TRDMT1: variants seen among roughly 807,000 people sequenced by gnomAD.
TRDMT1 encodes the protein tRNA aspartic acid methyltransferase 1.
A neutral mutation model predicts 51.2 loss-of-function variants in TRDMT1; 49 were observed. The ratio of observed to expected loss-of-function variants is 0.96; its 90% CI spans 0.76 to 1.21. TRDMT1 has a LOEUF of 1.21. Ranked by LOEUF, TRDMT1 falls within the 50% of genes most tolerant of loss-of-function variation. The pLI, the probability that TRDMT1 is intolerant of heterozygous loss-of-function variation, is 0.00. For synonymous variants in TRDMT1, 187 were observed against 164.6 expected (o/e 1.14, Z -1.04); for missense variants, 534 against 462.3 (o/e 1.16, Z -1.42).
At chr10:17,194,631 C>T (rs917636554) in intron 1 of TRDMT1, among the ~76,000 whole-genome samples, 3 of 151,952 alleles carry the variant, frequency 2.0e-5, no homozygotes, top group Admixed American at 6.6e-5. Flanking sequence ...ACAATGGCTA[C>T]GATTAAAAAG....
chr10:17,158,273 T>C, intron 7 of TRDMT1, among the ~76,000 whole-genome samples: 1 of 152,172 alleles, frequency 6.6e-6, no homozygotes, highest in Non-Finnish European at 1.5e-5. Flanking sequence ...TCATGAGTCC[T>C]ATGGGAAAAA....
At chr10:17,179,586 T>C (rs1843024929) in intron 1 of TRDMT1, among the ~76,000 whole-genome samples, 1 of 151,782 alleles carries the variant, frequency 6.6e-6, no homozygotes, top group Non-Finnish European at 1.5e-5. Flanking sequence ...AAAACAATCA[T>C]TATCATTATA....
At chr10:17,168,082 A>G (rs1841455338) in intron 3 of TRDMT1, among the ~76,000 whole-genome samples, 1 of 152,058 alleles carries the variant, frequency 6.6e-6, no homozygotes, top group Non-Finnish European at 1.5e-5. Flanking sequence ...GTGGGAGGAT[A>G]GCTTGAGCCC....
At position 17,139,343 on chromosome 10, in the gene TRDMT1, G is replaced by C. The variant is rs945082598; in HGVS notation, c.*9697C>G. ...CACTCAGACTTCAGCATGAATGACA[G>C]AAGAAATGTAGGTGGTAAATAACTG... On this transcript the variant is annotated 3_prime_UTR_variant, in exon 11 of 11. Transcript: ENST00000377799. 1.1e-5 allele frequency: 4 copies of C among 350,424 alleles called. No individual in the cohort carries two copies. The highest frequency in any genetic ancestry group is 8.9e-5 in the African/African-American group (4 of 45,084). The allele number at this position is 350,424 out of a possible 1,614,324, so 21.7% of individuals were successfully genotyped here.
At chr10:17,200,855 C>T (rs967374932) in intron 1 of TRDMT1, among the ~76,000 whole-genome samples, 2 of 152,060 alleles carry the variant, frequency 1.3e-5, no homozygotes, top group East Asian at 1.9e-4. Context: ...GGAGTGGTTA[C>T]AATGTATCAG....
chr10:17,197,049 G>A (rs554368496), intron 1 of TRDMT1, among the ~76,000 whole-genome samples: 44 of 152,190 alleles, frequency 2.9e-4, no homozygotes, highest in African/African-American at 1.0e-3. Context: ...CTATAGTGTG[G>A]GCAGTGCTCC....
rs1216515043 is a variant in TRDMT1, at chr10:17,140,440, C to G, written c.*8600G>C. Reference sequence around the variant, plus strand: ...CAATTCTATTACCATACTCAGCATACTCATATCTAAGTCAGTTAATTGGAC... The same window carrying G: ...CAATTCTATTACCATACTCAGCATAGTCATATCTAAGTCAGTTAATTGGAC... On this transcript the variant is annotated 3_prime_UTR_variant, in exon 11 of 11. Coordinates refer to ENST00000377799, the MANE Select transcript of TRDMT1 (RefSeq NM_004412.7). Among the ~76,000 whole-genome samples, 1 of 152,092 alleles carries G rather than the reference C, an allele frequency of 6.6e-6. No homozygotes were observed. The highest frequency in any genetic ancestry group is 2.4e-5 in the African/African-American group (1 of 41,418).
Position 17,154,724 on chromosome 10 carries a change from A to G in TRDMT1, c.898T>C (p.Tyr300His), listed in dbSNP as rs1839264278. The change falls in exon 9 of 11, where the codon TAC (tyrosine) becomes CAC (histidine). Residue 300 changes from tyrosine (Y) to histidine (H), a missense_variant. Coordinates refer to ENST00000377799, the MANE Select transcript of TRDMT1 (RefSeq NM_004412.7). ...AACACAGACCCTGTCCCTTCTATGT[A>G]GCTTCCATATCTGAAAAATCAACAC... The part of the protein sequence containing the change: ...SVCFTKGYGS[Y>H]IEGTGSVLQT... 2 of 1,603,662 alleles carry G rather than the reference A, an allele frequency of 1.2e-6. No homozygotes were observed. The highest frequency in any genetic ancestry group is 8.5e-7 in the Non-Finnish European group (1 of 1,175,426).
intron 10 of TRDMT1, chr10:17,151,160 T>A (rs1172719189): frequency 1.3e-6 from 1 of 745,242 alleles, no homozygotes; most frequent in East Asian, 1.3e-4. Context: ...GTAATTGAAG[T>A]TTTTGCCACT....
At chr10:17,161,669 AT>A in intron 4 of TRDMT1, 121 bp from the exon 5 acceptor site, 1 of 570,528 alleles carries the variant, frequency 1.8e-6, no homozygotes, top group Non-Finnish European at 2.7e-6. Context: ...TTAAAATGGA[AT>A]TTTATAAGGC....
rs535343868 is a variant in TRDMT1 at position 17,142,002 on chromosome 10, C to G, written c.*7038G>C. 6.6e-6 allele frequency among the ~76,000 whole-genome samples: 1 copy of G among 152,294 alleles called. No homozygotes were observed. Among genetic ancestry groups the G allele is most frequent in the South Asian group, 2.1e-4 (1 of 4,828 alleles). On this transcript the variant is annotated 3_prime_UTR_variant, in exon 11 of 11. Coordinates refer to ENST00000377799, the MANE Select transcript of TRDMT1 (RefSeq NM_004412.7). ...TCTTAAAAATTGGCATATAGTGCAC[C>G]TACCATAATGGTTCTTTTGTTAACT...
At chr10:17,193,890 A>G (rs1458700238) in intron 1 of TRDMT1, among the ~76,000 whole-genome samples, 2 of 152,236 alleles carry the variant, frequency 1.3e-5, no homozygotes, top group Non-Finnish European at 2.9e-5. Flanking sequence ...CAGAGGTATC[A>G]CATTAATGGA....
rs780057128 is a variant in TRDMT1 at position 17,162,236 on chromosome 10, T to G, written c.253A>C (p.Ile85Leu). 2 of 1,523,872 alleles carry G rather than the reference T, an allele frequency of 1.3e-6. No individual in the cohort carries two copies. Among genetic ancestry groups the G allele is most frequent in the Non-Finnish European group, 1.7e-6 (2 of 1,143,436 alleles). The allele number at this position is 1,523,872 out of a possible 1,614,324, so 94.4% of individuals were successfully genotyped here. A position where few individuals can be genotyped will look rare whatever the true frequency, so the allele number is the denominator to read the frequency against. ...TCAGTCATATCACCCTGCCGGCCAA[T>G]CCTAAAGGGGTAAAAAAAAAAAAAA... ...MSPPCQPFTR[I>L]GRQGDMTDSR... The change falls in exon 4 of 11, where the codon ATT becomes CTT. Residue 85 changes from isoleucine (I) to leucine (L), a missense_variant and splice_region_variant. Coordinates refer to ENST00000377799, the MANE Select transcript of TRDMT1 (RefSeq NM_004412.7).
At chr10:17,181,502 A>G (rs1247985693) in intron 1 of TRDMT1, among the ~76,000 whole-genome samples, 6 of 152,244 alleles carry the variant, frequency 3.9e-5, no homozygotes, top group African/African-American at 1.4e-4. Context: ...AATTGAATAC[A>G]TACAAGAGAA....
chr10:17,168,140 CA>C (rs1161499720), intron 3 of TRDMT1, among the ~76,000 whole-genome samples: 2 of 151,790 alleles, frequency 1.3e-5, no homozygotes, highest in African/African-American at 4.8e-5. Flanking sequence ...CCATCTCTAC[CA>C]AAAATTTAAA....
chr10:17,184,242 A>G (rs778794723), intron 1 of TRDMT1, among the ~76,000 whole-genome samples: 17 of 152,106 alleles, frequency 1.1e-4, no homozygotes, highest in Non-Finnish European at 1.9e-4. Flanking sequence ...CCACTCATGA[A>G]TGGTTCCTTA....
At chr10:17,179,504 GAAT>G (rs1843015430) in intron 1 of TRDMT1, among the ~76,000 whole-genome samples, 1 of 151,630 alleles carries the variant, frequency 6.6e-6, no homozygotes, top group Non-Finnish European at 1.5e-5. Flanking sequence ...CATTTATCTG[GAAT>G]ATTATAGATT....
chr10:17,141,558 C>T lies in TRDMT1; in HGVS notation c.*7482G>A, dbSNP rs140305720. Among the ~76,000 whole-genome samples, 481 of 152,248 alleles carry T rather than the reference C, an allele frequency of 3.2e-3. 3 individuals are homozygous for T. Among genetic ancestry groups the T allele is most frequent in the African/African-American group, 0.011 (457 of 41,542 alleles). ...TTTTTCCCCTCTACTTCTGGCACCCCAAACATATAAATGTTGGTTCTTCTG... is the reference window on the plus strand; with the variant it reads ...TTTTTCCCCTCTACTTCTGGCACCCTAAACATATAAATGTTGGTTCTTCTG... On this transcript the variant is annotated 3_prime_UTR_variant, in exon 11 of 11. Coordinates refer to ENST00000377799, the MANE Select transcript of TRDMT1 (RefSeq NM_004412.7).
At chr10:17,149,208 T>C in intron 10 of TRDMT1, 68 bp from the exon 11 acceptor site, 3 of 1,269,784 alleles carry the variant, frequency 2.4e-6, no homozygotes, top group Non-Finnish European at 3.4e-6. Context: ...AAAGGATGTA[T>C]CCTTTAGTAA....
Sources: allele counts gnomAD v4.1 joint callset (sites outside exome capture counted in the v4.1 genomes callset), GRCh38; gene constraint gnomAD v4.1.1; transcripts MANE v1.5; gene names NCBI Gene and HGNC (gene_info 2026-07-23, HGNC 2026-07-21).